The following PNPLA7 variants were observed in gnomAD, a reference collection of about 807,000 sequenced individuals.
PNPLA7 encodes the protein patatin like domain 7, lysophospholipase.
PNPLA7 carries 153 observed loss-of-function variants against 161.7 expected under a neutral mutation model. The observed-to-expected ratio is 0.95, with a 90% CI of 0.83 to 1.08. PNPLA7 has a LOEUF of 1.08. Ranked by LOEUF, PNPLA7 falls within the 50% of genes least tolerant of loss-of-function variation. The pLI is 0.00. For missense variants in PNPLA7, 1,739 were observed against 1,856.6 expected (o/e 0.94, Z 1.16); for synonymous variants, 809 against 782.1 (o/e 1.03, Z -0.57).
chr9:137,494,529 C>T (rs547517960), intron 19 of PNPLA7, among the ~76,000 whole-genome samples: 15 of 152,276 alleles, frequency 9.9e-5, no homozygotes, highest in African/African-American at 2.9e-4. Context: ...CTGTGCCACC[C>T]TCACCCGCAC....
At chr9:137,484,453 C>G in intron 21 of PNPLA7, 134 bp downstream of exon 21, 1 of 958,616 alleles carries the variant, frequency 1.0e-6, no homozygotes. Context: ...TTTGGAAACA[C>G]TACCGAACAC....
chr9:137,509,457 G>C (rs1364050371), intron 12 of PNPLA7: 1 of 235,100 alleles, frequency 4.3e-6, no homozygotes, highest in Admixed American at 5.1e-5. Flanking sequence ...AATGAGTTTA[G>C]CTGGTACGAA....
chr9:137,463,040 C>A (rs1213896830), intron 29 of PNPLA7: 1 of 716,176 alleles, frequency 1.4e-6, no homozygotes, highest in Non-Finnish European at 2.2e-6. Context: ...GACCGTATAT[C>A]CCACAGGTGA....
intron 20 of PNPLA7, among the ~76,000 whole-genome samples, chr9:137,488,316 C>T (rs918606076): frequency 3.9e-5 from 6 of 152,232 alleles, no homozygotes; most frequent in Admixed American, 3.3e-4. Flanking sequence ...TCCCTTTCCT[C>T]TCGCCTCTCC....
intron 25 of PNPLA7, among the ~76,000 whole-genome samples, chr9:137,472,467 A>C (rs182669505): frequency 1.3e-4 from 20 of 151,656 alleles, no homozygotes; most frequent in Admixed American, 5.3e-4. Context: ...CCTGGCCAAC[A>C]TGGTGAAACC....
rs773719733 is a variant in PNPLA7 at position 137,461,568 on chromosome 9, C to A, written c.3809G>T (p.Arg1270Leu). The A allele has an allele frequency of 3.7e-6, 6 of 1,612,504 alleles. No homozygotes were observed. The African/African-American group carries it at 6.7e-5, about 18-fold the overall frequency. ...CATGGCGGGCTTGGCGGGCTCAATG[C>A]GAGACACAATTTCGGCAAGGTCCGT... ...SFTDLAEIVS[R>L]IEPAKPAMVD... The change falls in exon 33 of 35, where the codon CGC becomes CTC. Residue 1270 changes from arginine (R) to leucine (L), a missense_variant. Physicochemically the swap from Arg to Leu is moderately radical, Grantham distance 102 (BLOSUM62 -2). Transcript: ENST00000406427.
chr9:137,507,180 T>G (rs994017456), intron 12 of PNPLA7, among the ~76,000 whole-genome samples: 2 of 152,230 alleles, frequency 1.3e-5, no homozygotes, highest in African/African-American at 4.8e-5. Flanking sequence ...GTGCTGTGTA[T>G]TACTCATGCC....
intron 12 of PNPLA7, among the ~76,000 whole-genome samples, chr9:137,506,349 C>G (rs575761317): frequency 1.3e-5 from 2 of 152,322 alleles, no homozygotes; most frequent in South Asian, 4.1e-4. Context: ...GTAGCCCGGT[C>G]GGTACCTAAA....
rs943464212 is a variant in PNPLA7, at chr9:137,524,466, C to T, written c.748-1609G>A. ...GCAGGGTCTCCGTCCATTCAGCAGT[C>T]GAAGGATATTTGTGTTGTTTCCACT... is the stretch of plus-strand genomic sequence containing the variant. On this transcript the variant is annotated intron_variant, in intron 8 of 34. Transcript: ENST00000406427. The surrounding 1 kb of genome is among the most constrained non-coding windows in gnomAD (Gnocchi z 4.4). Among the ~76,000 whole-genome samples, 4 of 152,226 alleles carry T rather than the reference C, an allele frequency of 2.6e-5. No homozygotes were observed. Among genetic ancestry groups the T allele is most frequent in the African/African-American group, 7.2e-5 (3 of 41,456 alleles).
rs375046664 is a variant in PNPLA7 at position 137,546,882 on chromosome 9, C to T, written c.221G>A (p.Arg74Gln). ...CATCACTTTGTCTCTCTTCCGGAACCGGTACTGAGGAGTGGGCTGTGCTTG... is the reference window on the plus strand; with the variant it reads ...CATCACTTTGTCTCTCTTCCGGAACTGGTACTGAGGAGTGGGCTGTGCTTG... Reference protein sequence around the residue: ...FRQAQPTPQYRFRKRDKVMFY... With the variant: ...FRQAQPTPQYQFRKRDKVMFY... Residue 74 changes from arginine to glutamine, a missense_variant, in exon 4 of 35, where the codon CGG becomes CAG. This residue lies in a region of PNPLA7 where 209 missense variants were observed against 252.8 expected (regional missense o/e 0.83). Coordinates refer to ENST00000406427, the MANE Select transcript of PNPLA7 (RefSeq NM_001098537.3). 6.2e-6 allele frequency: 10 copies of T among 1,613,816 alleles called. No individual in the cohort carries two copies. Among genetic ancestry groups the T allele is most frequent in the Admixed American group, 3.3e-5 (2 of 60,000 alleles).
At position 137,490,305 on chromosome 9, in the gene PNPLA7, C is replaced by T. The variant is rs952674072; in HGVS notation, c.2197+2708G>A. Among the ~76,000 whole-genome samples, 4 of 152,102 alleles carry T rather than the reference C, an allele frequency of 2.6e-5. No homozygotes were observed. The highest frequency in any genetic ancestry group is 9.7e-5 in the African/African-American group (4 of 41,390). On this transcript the variant is annotated intron_variant, in intron 20 of 34. Coordinates refer to ENST00000406427, the MANE Select transcript of PNPLA7 (RefSeq NM_001098537.3). The surrounding 1 kb of genome is among the most constrained non-coding windows in gnomAD (Gnocchi z 4.1). Reference sequence around the variant, plus strand: ...AGAGACAGGGTCTCACTATGTTGCCCGGGCTGGTCTCGAACTCTTGGGCTC... The same window carrying T: ...AGAGACAGGGTCTCACTATGTTGCCTGGGCTGGTCTCGAACTCTTGGGCTC...
Position 137,462,031 on chromosome 9 carries a change from T to C in PNPLA7, c.3656A>G (p.Tyr1219Cys). The C allele has an allele frequency of 1.3e-6, 2 of 1,596,154 alleles. No homozygotes were observed. Among genetic ancestry groups the C allele is most frequent in the Non-Finnish European group, 1.7e-6 (2 of 1,172,478 alleles). The change falls in exon 32 of 35, where the codon TAC (tyrosine) becomes TGC (cysteine). Residue 1219 changes from tyrosine (Y) to cysteine (C), a missense_variant. Physicochemically the swap from Tyr to Cys is radical, Grantham distance 194 (BLOSUM62 -2). Around this residue, in one of 6 missense-constraint regions of PNPLA7, gnomAD observed 703 missense variants for 694.6 expected, o/e 1.01. Coordinates refer to ENST00000406427, the MANE Select transcript of PNPLA7 (RefSeq NM_001098537.3). Reference sequence around the variant, plus strand: ...GTCAAACACCGTGCGCCCGTGCTGGTAGCCCACTTCCTGTGCACACCCCCA... The same window carrying C: ...GTCAAACACCGTGCGCCCGTGCTGGCAGCCCACTTCCTGTGCACACCCCCA... ...GKFNEICEVG[Y>C]QHGRTVFDIW... is the part of the protein sequence containing the mutation.
chr9:137,463,951 C>T (rs933585038), intron 28 of PNPLA7, among the ~76,000 whole-genome samples, 175 bp downstream of exon 28: 1 of 152,230 alleles, frequency 6.6e-6, no homozygotes, highest in Non-Finnish European at 1.5e-5. Flanking sequence ...CAGGCCACGC[C>T]CCCTCCTGTC....
rs1037611954 is a variant in PNPLA7 at position 137,472,425 on chromosome 9, C to T, written c.2883-4952G>A. 2.2e-4 allele frequency among the ~76,000 whole-genome samples: 34 copies of T among 151,680 alleles called. 1 individual carries two copies. The highest frequency in any genetic ancestry group is 6.5e-4 in the African/African-American group (27 of 41,430). On this transcript the variant is annotated intron_variant, in intron 25 of 34. Coordinates refer to ENST00000406427, the MANE Select transcript of PNPLA7 (RefSeq NM_001098537.3). ...CAGCACTTTGGGAGGCCGAGGTGGG[C>T]GGATCACTTGAGGTCAGGAGATCAA...
intron 25 of PNPLA7, among the ~76,000 whole-genome samples, chr9:137,477,191 G>A (rs1831979282): frequency 6.6e-6 from 1 of 152,228 alleles, no homozygotes; most frequent in South Asian, 2.1e-4. Context: ...AGGGGCACAT[G>A]CCTGTCCCAC....
chr9:137,508,481 T>A (rs992741481), intron 12 of PNPLA7, among the ~76,000 whole-genome samples: 13 of 151,786 alleles, frequency 8.6e-5, no homozygotes, highest in Admixed American at 2.6e-4. Flanking sequence ...GCAGGAGAAT[T>A]GCTTGAACCC....
In PNPLA7 at chr9:137,505,732, ATC is replaced by A. The variant is rs780610875; in HGVS notation, c.1353_1354del (p.Glu451AspfsTer15). The A allele has an allele frequency of 1.2e-6, 2 of 1,613,970 alleles. No individual in the cohort carries two copies. The highest frequency in any genetic ancestry group is 1.7e-6 in the Non-Finnish European group (2 of 1,180,028). ...TGAGTGCTGGGAGACCGTGGAGGGT[ATC>A]TCTGCAACCATCACGCTTTTCCTGG... On this transcript the variant is annotated frameshift_variant, in exon 14 of 35. Coordinates refer to ENST00000406427, the MANE Select transcript of PNPLA7 (RefSeq NM_001098537.3). LOFTEE classifies it high-confidence loss of function.
chr9:137,476,949 C>T lies in PNPLA7; in HGVS notation c.2882+1085G>A, dbSNP rs1311637445. Among the ~76,000 whole-genome samples the T allele has an allele frequency of 6.6e-6, 1 of 152,280 alleles. No individual in the cohort carries two copies. Among genetic ancestry groups the T allele is most frequent in the African/African-American group, 2.4e-5 (1 of 41,478 alleles). On this transcript the variant is annotated intron_variant, in intron 25 of 34. Coordinates refer to ENST00000406427, the MANE Select transcript of PNPLA7 (RefSeq NM_001098537.3). This position sits in a 1 kb window ranked among gnomAD's most constrained non-coding sequence, Gnocchi z 4.5. ...CTAGAACAGCCCCAGGCTGACAGGG[C>T]CCTGCCCTGGGGCCAGCAGAAGCAT...
rs78177044 is a variant in PNPLA7 at position 137,498,860 on chromosome 9, G to A, written c.1758-615C>T. ...ACCAGGTGTGAGAGTGACGCCGGGC[G>A]ACTCCAGGCCTAGCCTGAGCCACAG... On this transcript the variant is annotated intron_variant, in intron 16 of 34. Transcript: ENST00000406427. Among the ~76,000 whole-genome samples the A allele has an allele frequency of 2.6e-5, 4 of 152,276 alleles. No individual in the cohort carries two copies. The East Asian group carries it at 7.7e-4, about 29-fold the overall frequency.
Sources: gnomAD v4.1 joint callset for allele counts (sites outside exome capture counted in the v4.1 genomes callset) on GRCh38, gnomAD v4.1.1 for gene constraint, gnomAD v4.1.1 regional missense constraint, Gnocchi (gnomAD v3.1) non-coding constraint, MANE v1.5 for transcripts, NCBI Gene and HGNC (gene_info 2026-07-23, HGNC 2026-07-21) for gene names.